The following TSPAN18 variants were observed in gnomAD, a reference collection of about 807,000 sequenced individuals.
The protein encoded by TSPAN18 is tetraspanin-18.
A neutral mutation model predicts 27.3 loss-of-function variants in TSPAN18; 14 were observed. The observed-to-expected ratio is 0.51, with a 90% confidence interval of 0.34 to 0.80. The LOEUF (loss-of-function observed/expected upper bound fraction) is 0.80, where lower values mean the gene tolerates loss of function less well. Ranked by LOEUF, TSPAN18 falls within the 30% of genes least tolerant of loss-of-function variation. The pLI is 0.01. For missense variants in TSPAN18, 268 were observed against 323.9 expected (o/e 0.83, Z 1.32); for synonymous variants, 143 against 136.5 (o/e 1.05, Z -0.33).
chr11:44,793,982 G>T (rs755899533), intron 2 of TSPAN18, among the ~76,000 whole-genome samples: 3 of 152,200 alleles, frequency 2.0e-5, no homozygotes, highest in African/African-American at 2.4e-5. Context: ...GGAACAGGGG[G>T]GTGGGGGGAG....
intron 2 of TSPAN18, among the ~76,000 whole-genome samples, chr11:44,841,134 G>A (rs998018669): frequency 6.6e-6 from 1 of 152,192 alleles, no homozygotes; most frequent in African/African-American, 2.4e-5. Flanking sequence ...GGAGGGTTTG[G>A]TGGTGACAGA....
rs141915007 is a variant in TSPAN18, at chr11:44,755,390, A to G, written c.-239-9036A>G. ...AGGCTGATTGGGACTCATTCTGGGA[A>G]CAAAGGGTGCTGGGCCCAGTGACAG... On this transcript the variant is annotated intron_variant, in intron 1 of 9. Transcript: ENST00000520358. Among the ~76,000 whole-genome samples, 594 of 152,018 alleles carry G rather than the reference A, an allele frequency of 3.9e-3. 2 individuals are homozygous for G. Among genetic ancestry groups the G allele is most frequent in the African/African-American group, 0.013 (556 of 41,504 alleles).
At chr11:44,816,668 G>A (rs936722527) in intron 2 of TSPAN18, among the ~76,000 whole-genome samples, 4 of 152,192 alleles carry the variant, frequency 2.6e-5, no homozygotes, top group Admixed American at 2.0e-4. Flanking sequence ...GTGCTGACTG[G>A]TAGCTTCTCC....
intron 2 of TSPAN18, among the ~76,000 whole-genome samples, chr11:44,847,374 T>C (rs1857507191): frequency 6.6e-6 from 1 of 152,238 alleles, no homozygotes. Context: ...TTAAGAAAAT[T>C]GAGGCAAAAT....
chr11:44,794,682 A>G (rs943397952), intron 2 of TSPAN18, among the ~76,000 whole-genome samples: 1 of 151,844 alleles, frequency 6.6e-6, no homozygotes, highest in African/African-American at 2.4e-5. Context: ...AAAAAAAAAA[A>G]GGGAGAACTC....
chr11:44,753,642 G>A (rs1394515483), intron 1 of TSPAN18, among the ~76,000 whole-genome samples: 2 of 152,164 alleles, frequency 1.3e-5, no homozygotes, highest in Non-Finnish European at 2.9e-5. Flanking sequence ...AGCTGAACTG[G>A]CTTCCTGATC....
intron 3 of TSPAN18, chr11:44,886,278 G>T (rs2135271189): frequency 6.6e-6 from 1 of 152,352 alleles, no homozygotes; most frequent in East Asian, 1.9e-4. Context: ...CACAGGCTGA[G>T]AGCTGAGAAA....
At chr11:44,849,539 G>C (rs1202687849) in intron 2 of TSPAN18, among the ~76,000 whole-genome samples, 2 of 152,190 alleles carry the variant, frequency 1.3e-5, no homozygotes, top group African/African-American at 4.8e-5. Context: ...GGCTAGGCCT[G>C]GGGGTGCAGA....
intron 3 of TSPAN18, among the ~76,000 whole-genome samples, chr11:44,900,680 C>CTTTTTTTTTTTTTTTTTTTTTTTTTTT (rs72469181): frequency 2.0e-5 from 1 of 49,702 alleles, no homozygotes; most frequent in African/African-American, 9.0e-5. Flanking sequence ...TTGAGGAAGG[C>CTTTTTTTTTTTTTTTTTTTTTTTTTTT]TTTTTTTTTT....
At chr11:44,727,485 C>T (rs904635030) in intron 1 of TSPAN18, among the ~76,000 whole-genome samples, 198 bp downstream of exon 1, 1 of 152,194 alleles carries the variant, frequency 6.6e-6, no homozygotes, top group African/African-American at 2.4e-5. Context: ...CGGGGACGGT[C>T]TCCACCCCGT....
rs1188481842 is a variant in TSPAN18, at chr11:44,880,368, C to T, written c.-11+19899C>T. ...AGAGACCCTCGTGCTCTGTTAGCCT[C>T]TCCCAAGCTGCATAACCCTGGTGAA... On this transcript the variant is annotated intron_variant, in intron 3 of 9. Transcript: ENST00000520358. Among the ~76,000 whole-genome samples the T allele has an allele frequency of 2.0e-5, 3 of 151,996 alleles. No homozygotes were observed. In the East Asian group the frequency reaches 5.8e-4, roughly 29 times the overall value.
intron 8 of TSPAN18, among the ~76,000 whole-genome samples, chr11:44,924,861 G>T (rs11038218): frequency 0.15 from 22,274 of 152,146 alleles, 1,706 homozygotes; most frequent in African/African-American, 0.18. Flanking sequence ...CCTGCACGTT[G>T]TGCACATGTA....
At chr11:44,787,602 T>C (rs1214376289) in intron 2 of TSPAN18, among the ~76,000 whole-genome samples, 1 of 152,254 alleles carries the variant, frequency 6.6e-6, no homozygotes, top group Admixed American at 6.5e-5. Context: ...ATCTGTATAG[T>C]GTAAATAATA....
intron 2 of TSPAN18, among the ~76,000 whole-genome samples, chr11:44,838,861 C>G (rs1053310595): frequency 3.3e-5 from 5 of 152,210 alleles, no homozygotes; most frequent in African/African-American, 1.2e-4. Flanking sequence ...ACTTTGTGGT[C>G]ATTCATTGCA....
chr11:44,807,527 CAAAAAA>C (rs59241339), intron 2 of TSPAN18, among the ~76,000 whole-genome samples: 3 of 64,472 alleles, frequency 4.7e-5, no homozygotes, highest in African/African-American at 7.4e-5. Flanking sequence ...AACTCCATCT[CAAAAAA>C]AAAAAAAAAA....
chr11:44,910,335 A>G (rs1859662053), intron 5 of TSPAN18, among the ~76,000 whole-genome samples: 2 of 152,176 alleles, frequency 1.3e-5, no homozygotes, highest in Non-Finnish European at 2.9e-5. Flanking sequence ...AACTCAGAAT[A>G]AGGTTTGTGC....
chr11:44,799,734 G>A (rs1190206516), intron 2 of TSPAN18, among the ~76,000 whole-genome samples: 1 of 152,222 alleles, frequency 6.6e-6, no homozygotes, highest in African/African-American at 2.4e-5. Context: ...CATTCCCAGG[G>A]TTACAGTCAG....
intron 1 of TSPAN18, among the ~76,000 whole-genome samples, chr11:44,747,260 A>G (rs1855101728): frequency 6.6e-6 from 1 of 152,236 alleles, no homozygotes; most frequent in African/African-American, 2.4e-5. Context: ...CCTGCCTAAA[A>G]GAGGCAGCTC....
chr11:44,793,195 C>T (rs1455730964), intron 2 of TSPAN18, among the ~76,000 whole-genome samples: 2 of 152,188 alleles, frequency 1.3e-5, no homozygotes, highest in African/African-American at 2.4e-5. Context: ...TGTGCCACCA[C>T]GCCCACCTAT....
Sources: gnomAD v4.1 joint callset for allele counts (sites outside exome capture counted in the v4.1 genomes callset) on GRCh38, gnomAD v4.1.1 for gene constraint, MANE v1.5 for transcripts, NCBI Gene and HGNC (gene_info 2026-07-23, HGNC 2026-07-21) for gene names.